Variants in DST observed in about 807,000 individuals in gnomAD.
The protein encoded by DST is bullous pemphigoid antigen.
In DST, 253 loss-of-function variants were observed where a neutral mutation model predicts 875.2. That is an observed-to-expected ratio of 0.29 (90% CI 0.26 to 0.32). The LOEUF (loss-of-function observed/expected upper bound fraction) is 0.32, where lower values mean the gene tolerates loss of function less well. Ranked by LOEUF, DST falls within the 10% of genes least tolerant of loss-of-function variation. DST has a pLI of 1.00. For missense variants in DST, 8,287 were observed against 9,111.6 expected, an observed-to-expected ratio of 0.91 and a Z score of 3.68; for synonymous variants, 3,124 against 3,197.1, an observed-to-expected ratio of 0.98 and a Z score of 0.77.
chr6:56,907,447 C>T (rs1035990290), intron 2 of DST, among the ~76,000 whole-genome samples: 3 of 152,130 alleles, frequency 2.0e-5, no homozygotes, highest in East Asian at 1.9e-4. Context: ...ATTTACTTAG[C>T]GCCATTTAGG....
chr6:56,832,372 G>C (rs1007823986), intron 4 of DST, among the ~76,000 whole-genome samples: 4 of 152,002 alleles, frequency 2.6e-5, no homozygotes, highest in Non-Finnish European at 4.4e-5. Flanking sequence ...AGATTCTGAT[G>C]GTTTTAAAAA....
chr6:56,866,217 C>A (rs1274694019), intron 3 of DST, among the ~76,000 whole-genome samples: 1 of 151,980 alleles, frequency 6.6e-6, no homozygotes, highest in Non-Finnish European at 1.5e-5. Context: ...AGGCTAGTCT[C>A]GAACACCTGA....
intron 9 of DST, among the ~76,000 whole-genome samples, chr6:56,680,700 A>G (rs2099152996): frequency 6.6e-6 from 1 of 152,094 alleles, no homozygotes; most frequent in African/African-American, 2.4e-5. Context: ...ATTATTCCCC[A>G]GGGCATAGGC....
chr6:56,689,781 A>G (rs2099215339), intron 9 of DST, among the ~76,000 whole-genome samples: 2 of 152,188 alleles, frequency 1.3e-5, no homozygotes, highest in Non-Finnish European at 2.9e-5. Flanking sequence ...GTATATGGCC[A>G]GGTTAGAGAA....
At chr6:56,567,751 C>T (rs906420344) in intron 55 of DST, among the ~76,000 whole-genome samples, 31 of 152,016 alleles carry the variant, frequency 2.0e-4, no homozygotes, top group African/African-American at 6.8e-4. Context: ...CTAGATACCC[C>T]ACAGAGGATA....
At chr6:56,548,585 G>C (rs971892969) in intron 61 of DST, among the ~76,000 whole-genome samples, 4 of 152,196 alleles carry the variant, frequency 2.6e-5, no homozygotes, top group African/African-American at 9.7e-5. Flanking sequence ...TGAGCTAGGA[G>C]TCTTCAGATA....
intron 4 of DST, among the ~76,000 whole-genome samples, chr6:56,807,296 G>A (rs1590873469): frequency 6.6e-6 from 1 of 152,286 alleles, no homozygotes; most frequent in East Asian, 1.9e-4. Context: ...AAAGTGTTGT[G>A]ATTACAGGTG....
chr6:56,514,153 G>A (rs2096542502), intron 72 of DST, among the ~76,000 whole-genome samples: 1 of 152,202 alleles, frequency 6.6e-6, no homozygotes, highest in Non-Finnish European at 1.5e-5. Context: ...GCTCAATAAT[G>A]AGCCTTTCCA....
chr6:56,591,826 AGCGCCTGTAGTCCCAGCTGGTGGCGG>A (rs1264722972), intron 49 of DST, among the ~76,000 whole-genome samples: 3 of 151,808 alleles, frequency 2.0e-5, no homozygotes, highest in Non-Finnish European at 2.9e-5. Flanking sequence ...TACAAAAATT[AGCGCCTGTAGTCCCAGCTGGTGGCGG>A]GCGCCTGTAG....
At chr6:56,890,463 C>T (rs1360370798) in intron 3 of DST, among the ~76,000 whole-genome samples, 3 of 152,114 alleles carry the variant, frequency 2.0e-5, no homozygotes, top group Non-Finnish European at 4.4e-5. Flanking sequence ...TCCTAAGCAT[C>T]CTAGTGACAT....
At chr6:56,664,167 C>T (rs1460440059) in intron 10 of DST, among the ~76,000 whole-genome samples, 1 of 152,166 alleles carries the variant, frequency 6.6e-6, no homozygotes, top group Non-Finnish European at 1.5e-5. Context: ...ACATTCTGCA[C>T]TGTTCTCTCT....
chr6:56,574,236 C>T (rs1286598221), intron 50 of DST, among the ~76,000 whole-genome samples: 1 of 152,096 alleles, frequency 6.6e-6, no homozygotes, highest in African/African-American at 2.4e-5. Context: ...GGTTCTCAAT[C>T]TGACATTTCA....
chr6:56,906,818 G>A (rs1354003619), intron 2 of DST, among the ~76,000 whole-genome samples: 3 of 152,194 alleles, frequency 2.0e-5, no homozygotes, highest in Admixed American at 6.5e-5. Context: ...AACGAACCCC[G>A]GGTATTTACC....
At chr6:56,613,966 A>G (rs1378139393) in intron 37 of DST, among the ~76,000 whole-genome samples, 1 of 152,222 alleles carries the variant, frequency 6.6e-6, no homozygotes, top group Non-Finnish European at 1.5e-5. Context: ...TTTTATGTTT[A>G]CATCTGTAAG....
At position 56,631,281 on chromosome 6, in the gene DST, G is replaced by A. The variant is rs778397331; in HGVS notation, c.4072C>T (p.Arg1358Ter). ...AAASSSVPTL[R>*]SELNVVLQNM... ...TGAAGGACCACATTAAGCTCTGATC[G>A]TAGGGTAGGGACTGATGAAGAGGCT... is the stretch of plus-strand genomic sequence containing the variant. The change falls in exon 30 of 104, where the codon CGA becomes TGA. Residue 1358 changes from arginine (R) to a stop codon, truncating the protein, a stop_gained. Coordinates refer to ENST00000680361, the MANE Select transcript of DST (RefSeq NM_001374736.1). LOFTEE classifies it high-confidence loss of function. 1.2e-6 allele frequency: 2 copies of A among 1,613,870 alleles called. No individual in the cohort carries two copies. The highest frequency in any genetic ancestry group is 1.7e-6 in the Non-Finnish European group (2 of 1,179,860).
intron 4 of DST, among the ~76,000 whole-genome samples, chr6:56,757,617 T>C (rs1037915915): frequency 1.3e-5 from 2 of 152,160 alleles, no homozygotes; most frequent in Non-Finnish European, 2.9e-5. Context: ...GTAAATGAAA[T>C]AAAAGCTAAT....
intron 50 of DST, among the ~76,000 whole-genome samples, chr6:56,575,461 G>C (rs2152624748): frequency 6.6e-6 from 1 of 152,218 alleles, no homozygotes; most frequent in East Asian, 1.9e-4. Context: ...TCTTAATTGG[G>C]CAACTGCATC....
chr6:56,523,319 G>C (rs909292892), intron 69 of DST, among the ~76,000 whole-genome samples: 3 of 151,968 alleles, frequency 2.0e-5, no homozygotes, highest in African/African-American at 7.3e-5. Flanking sequence ...GTTCAATAGC[G>C]TATCTTTTCA....
intron 2 of DST, among the ~76,000 whole-genome samples, chr6:56,929,421 T>C (rs1306453632): frequency 2.0e-5 from 3 of 152,122 alleles, no homozygotes; most frequent in African/African-American, 4.8e-5. Context: ...TCAAGATACA[T>C]TGAGTGAATA....
Sources: allele counts gnomAD v4.1 joint callset (sites outside exome capture counted in the v4.1 genomes callset), GRCh38; gene constraint gnomAD v4.1.1; transcripts MANE v1.5; gene names NCBI Gene and HGNC (gene_info 2026-07-23, HGNC 2026-07-21).